Variants in NR3C2 observed in about 807,000 individuals in gnomAD.
NR3C2 encodes the protein nuclear receptor subfamily 3 group C member 2.
A neutral mutation model predicts 86.4 loss-of-function variants in NR3C2; 15 were observed. The ratio of observed to expected loss-of-function variants is 0.17; its 90% CI spans 0.12 to 0.27. The LOEUF (loss-of-function observed/expected upper bound fraction) is 0.27. Among genes scored for constraint, NR3C2 ranks in the 10% least tolerant of loss-of-function variants. The pLI, the probability that NR3C2 is intolerant of heterozygous loss-of-function variation, is 1.00. For missense variants in NR3C2, 960 were observed against 1,195.6 expected, an observed-to-expected ratio of 0.80 and a Z score of 2.91; for synonymous variants, 458 against 450.5, an observed-to-expected ratio of 1.02 and a Z score of -0.21.
chr4:148,434,927 C>CT (rs1749964014), intron 2 of NR3C2, among the ~76,000 whole-genome samples, 177 bp downstream of exon 2: 1 of 152,152 alleles, frequency 6.6e-6, no homozygotes, highest in Non-Finnish European at 1.5e-5. Context: ...TTTAAGAATG[C>CT]TTTTTCCCTC....
intron 3 of NR3C2, among the ~76,000 whole-genome samples, chr4:148,203,724 T>C (rs1320263108): frequency 4.0e-5 from 6 of 149,440 alleles, no homozygotes; most frequent in Admixed American, 6.7e-5. Context: ...AACTGGTTAT[T>C]CATTGTTGGA....
intron 4 of NR3C2, among the ~76,000 whole-genome samples, chr4:148,188,560 A>C (rs529243893): frequency 7.6e-4 from 116 of 152,176 alleles, no homozygotes; most frequent in African/African-American, 2.7e-3. Flanking sequence ...TAGAAGAGTT[A>C]TTGATTTCTG....
intron 2 of NR3C2, among the ~76,000 whole-genome samples, chr4:148,305,499 T>C (rs190986410): frequency 2.1e-5 from 3 of 142,414 alleles, no homozygotes; most frequent in South Asian, 2.2e-4. Context: ...GCAGAACTAA[T>C]AGAGTCCACC....
chr4:148,411,795 T>A (rs571475526), intron 2 of NR3C2, among the ~76,000 whole-genome samples: 49 of 152,330 alleles, frequency 3.2e-4, no homozygotes, highest in Non-Finnish European at 5.1e-4. Context: ...AATTTAGACT[T>A]CAGTGTTGCT....
rs1471443488 is a variant in NR3C2 at position 148,114,174 on chromosome 4, C to T, written c.2729G>A (p.Cys910Tyr). ...IKELRKMVTK[C>Y]PNNSGQSWQR... ...CCAGCTCTGCCCAGAATTGTTGGGACACTTAGTTACCATCTTCCTCAGTTC... is the reference window on the plus strand; with the variant it reads ...CCAGCTCTGCCCAGAATTGTTGGGATACTTAGTTACCATCTTCCTCAGTTC... Residue 910 changes from cysteine to tyrosine, a missense_variant, in exon 8 of 9, where the codon TGT (cysteine) becomes TAT (tyrosine). Physicochemically the swap from Cys to Tyr is radical, Grantham distance 194. This residue lies in a region of NR3C2 where 151 missense variants were observed against 296.3 expected (regional missense o/e 0.51). Transcript: ENST00000358102. The T allele has an allele frequency of 6.8e-6, 11 of 1,613,752 alleles. No homozygotes were observed. Among genetic ancestry groups the T allele is most frequent in the Non-Finnish European group, 9.3e-6 (11 of 1,179,948 alleles).
At chr4:148,281,112 C>T (rs528169146) in intron 2 of NR3C2, among the ~76,000 whole-genome samples, 3 of 152,288 alleles carry the variant, frequency 2.0e-5, no homozygotes, top group African/African-American at 7.2e-5. Flanking sequence ...TTCCCCAGTT[C>T]TCTAAGTTCA....
In NR3C2 at chr4:148,232,374, G is replaced by C. The variant is rs75086408; in HGVS notation, c.1897+27604C>G. ...TTAATTTCCCTGTACATCTGCATTA[G>C]AGTTCTTTGGTGACTAGGTGCGTTG... On this transcript the variant is annotated intron_variant, in intron 3 of 8. Coordinates refer to ENST00000358102, the MANE Select transcript of NR3C2 (RefSeq NM_000901.5). Among the ~76,000 whole-genome samples, 4 of 152,310 alleles carry C rather than the reference G, an allele frequency of 2.6e-5. No individual in the cohort carries two copies. In the East Asian group the frequency reaches 7.7e-4, roughly 29 times the overall value.
intron 2 of NR3C2, among the ~76,000 whole-genome samples, chr4:148,269,540 T>C (rs1269809355): frequency 6.6e-6 from 1 of 152,208 alleles, no homozygotes; most frequent in Non-Finnish European, 1.5e-5. Flanking sequence ...TAAAAAGATC[T>C]AACATCAAAT....
intron 6 of NR3C2, among the ~76,000 whole-genome samples, chr4:148,135,749 A>G (rs1229075486): frequency 6.6e-6 from 1 of 152,148 alleles, no homozygotes; most frequent in African/African-American, 2.4e-5. Context: ...AGAAGTTCAT[A>G]CTGAAGTTTA....
intron 2 of NR3C2, among the ~76,000 whole-genome samples, chr4:148,273,946 A>T (rs1009780962): frequency 6.6e-6 from 1 of 152,190 alleles, no homozygotes; most frequent in Non-Finnish European, 1.5e-5. Flanking sequence ...AAAGATGTGG[A>T]TAACAATGTC....
intron 8 of NR3C2, among the ~76,000 whole-genome samples, chr4:148,111,172 A>C (rs1033121475): frequency 1.1e-4 from 17 of 152,256 alleles, no homozygotes; most frequent in Non-Finnish European, 2.1e-4. Flanking sequence ...AAATGAGCCA[A>C]AGAGTTGAAC....
chr4:148,420,072 G>A (rs28698626), intron 2 of NR3C2, among the ~76,000 whole-genome samples: 15,360 of 152,152 alleles, frequency 0.1, 956 homozygotes, highest in Middle Eastern at 0.32. Context: ...GTCCACTCAC[G>A]TGAGCACACA....
chr4:148,244,652 T>A (rs1560997853), intron 3 of NR3C2, among the ~76,000 whole-genome samples: 1 of 152,210 alleles, frequency 6.6e-6, no homozygotes, highest in Non-Finnish European at 1.5e-5. Flanking sequence ...TGTCAACAAA[T>A]CTGGTTACTA....
intron 7 of NR3C2, among the ~76,000 whole-genome samples, chr4:148,116,324 C>T (rs965810391): frequency 6.6e-6 from 1 of 152,168 alleles, no homozygotes; most frequent in Non-Finnish European, 1.5e-5. Context: ...GTACCAGTTT[C>T]CCAGCCAGAT....
intron 2 of NR3C2, among the ~76,000 whole-genome samples, chr4:148,267,854 A>G (rs1740475940): frequency 6.6e-6 from 1 of 151,430 alleles, no homozygotes; most frequent in East Asian, 1.9e-4. Context: ...TGAAATTCTT[A>G]TTTTCAATAC....
At chr4:148,405,555 C>T (rs1055783889) in intron 2 of NR3C2, among the ~76,000 whole-genome samples, 1 of 152,168 alleles carries the variant, frequency 6.6e-6, no homozygotes, top group African/African-American at 2.4e-5. Context: ...AAAGAAGACT[C>T]CTTGAACTAC....
intron 6 of NR3C2, among the ~76,000 whole-genome samples, chr4:148,144,204 T>A (rs1322814623): frequency 2.6e-5 from 4 of 151,232 alleles, no homozygotes; most frequent in Non-Finnish European, 5.9e-5. Context: ...TGGAAATGAC[T>A]TTTTTTTTCT....
chr4:148,168,715 C>A (rs1405808271), intron 4 of NR3C2, among the ~76,000 whole-genome samples: 1 of 152,192 alleles, frequency 6.6e-6, no homozygotes, highest in Non-Finnish European at 1.5e-5. Flanking sequence ...GGCATAAACA[C>A]AAAACCATCC....
chr4:148,280,108 G>A (rs143666404), intron 2 of NR3C2, among the ~76,000 whole-genome samples: 2 of 152,174 alleles, frequency 1.3e-5, no homozygotes, highest in African/African-American at 4.8e-5. Context: ...TCAGGAAAAT[G>A]TAAACTTAAT....
Sources: allele counts gnomAD v4.1 joint callset (sites outside exome capture counted in the v4.1 genomes callset), GRCh38; gene constraint gnomAD v4.1.1; regional missense constraint gnomAD v4.1.1; transcripts MANE v1.5; gene names NCBI Gene and HGNC (gene_info 2026-07-23, HGNC 2026-07-21).